The following GRSF1 variants were observed in gnomAD, a reference collection of about 807,000 sequenced individuals.
GRSF1 encodes the protein G-rich sequence factor 1.
A neutral mutation model predicts 51.1 loss-of-function variants in GRSF1; 50 were observed. The observed-to-expected ratio is 0.98, with a 90% confidence interval of 0.78 to 1.24. The LOEUF is 1.24. GRSF1 is among the 50% of genes most tolerant of loss of function. GRSF1 has a pLI of 0.00. For synonymous variants in GRSF1, 293 were observed against 253.3 expected, an observed-to-expected ratio of 1.16 and a Z score of -1.49; for missense variants, 700 against 639.7, an observed-to-expected ratio of 1.09 and a Z score of -1.02.
intron 1 of GRSF1, chr4:70,838,949 G>A: frequency 5.6e-6 from 2 of 357,510 alleles, no homozygotes; most frequent in Non-Finnish European, 1.1e-5. Flanking sequence ...GAGAGGGAAC[G>A]GCGCGATGGG....
upstream of GRSF1, among the ~76,000 whole-genome samples, chr4:70,841,782 G>A (rs1734464904): frequency 6.6e-6 from 1 of 152,162 alleles, no homozygotes; most frequent in Admixed American, 6.5e-5. Flanking sequence ...TGATAGGCTT[G>A]GCTCTATGAA....
At chr4:70,834,874 C>T (rs796404928) in intron 2 of GRSF1, among the ~76,000 whole-genome samples, 25 of 152,120 alleles carry the variant, frequency 1.6e-4, no homozygotes, top group African/African-American at 5.8e-4. Context: ...CCGCCCGCCT[C>T]GGCCTCCCAA....
intron 1 of GRSF1, 67 bp from the exon 2 acceptor site, chr4:70,836,381 T>C: frequency 8.4e-7 from 1 of 1,183,546 alleles, no homozygotes; most frequent in East Asian, 2.6e-5. Flanking sequence ...AAAAAATTCT[T>C]AGAAAATGTT....
chr4:70,831,343 G>A (rs1389910183), intron 5 of GRSF1, among the ~76,000 whole-genome samples, 196 bp downstream of exon 5: 2 of 147,596 alleles, frequency 1.4e-5, no homozygotes, highest in Non-Finnish European at 3.0e-5. Flanking sequence ...CAAAAAGAGT[G>A]AAACTCTGTC....
upstream of GRSF1, among the ~76,000 whole-genome samples, chr4:70,840,359 C>T (rs1252211491): frequency 5.9e-5 from 9 of 152,234 alleles, no homozygotes; most frequent in Admixed American, 5.2e-4. Flanking sequence ...TTCGTAGTGA[C>T]TCATTCTTGT....
chr4:70,829,424 G>A (rs1733871881), intron 5 of GRSF1, among the ~76,000 whole-genome samples: 1 of 151,746 alleles, frequency 6.6e-6, no homozygotes, highest in Non-Finnish European at 1.5e-5. Flanking sequence ...GGGAGGCTGA[G>A]GCAGGTGGAT....
intron 5 of GRSF1, among the ~76,000 whole-genome samples, chr4:70,831,226 G>A (rs1049155313): frequency 3.3e-5 from 5 of 151,980 alleles, no homozygotes; most frequent in African/African-American, 4.8e-5. Context: ...ATGGTGGCAG[G>A]CGCCTGTAAT....
intron 2 of GRSF1, 94 bp from the exon 3 acceptor site, chr4:70,833,367 C>A: frequency 3.7e-6 from 4 of 1,072,300 alleles, no homozygotes; most frequent in Non-Finnish European, 4.1e-6. Context: ...AACAACAAAG[C>A]AGGAAACAAG....
upstream of GRSF1, among the ~76,000 whole-genome samples, chr4:70,842,395 AG>A (rs1391322761): frequency 6.6e-6 from 1 of 152,198 alleles, no homozygotes; most frequent in Non-Finnish European, 1.5e-5. Flanking sequence ...CAGCCAAAAA[AG>A]AGAAGGGGGT....
At chr4:70,824,403 T>C (rs1733651625) in intron 8 of GRSF1, 35 bp from the exon 9 acceptor site, 1 of 1,103,572 alleles carries the variant, frequency 9.1e-7, no homozygotes, top group African/African-American at 1.5e-5. Flanking sequence ...TTTAAAAAGT[T>C]GAAAAGGTAG....
chr4:70,823,844 C>A (rs1487444164), intron 9 of GRSF1, among the ~76,000 whole-genome samples: 2 of 151,540 alleles, frequency 1.3e-5, no homozygotes, highest in Non-Finnish European at 2.9e-5. Context: ...CTAGCCTGGG[C>A]AACAGAGCAA....
chr4:70,818,342 GAGAACTGAGTAA>G lies in GRSF1; in HGVS notation c.*2533_*2544del, dbSNP rs1733385421. ...AACCCCAAAAAATAACTTTCCAAAT[GAGAACTGAGTAA>G]GGGCTGTTCAGGGCAGAGGACATTA... On this transcript the variant is annotated 3_prime_UTR_variant, in exon 10 of 10. Transcript: ENST00000254799. 6.6e-6 allele frequency: 1 copy of G among 152,202 alleles called. No homozygotes were observed. The highest frequency in any genetic ancestry group is 2.1e-4 in the South Asian group (1 of 4,826). The allele number at this position is 152,202 out of a possible 1,614,324, so 9.4% of individuals were successfully genotyped here.
chr4:70,829,742 C>A (rs898213677), intron 5 of GRSF1, among the ~76,000 whole-genome samples: 1 of 152,068 alleles, frequency 6.6e-6, no homozygotes, highest in African/African-American at 2.4e-5. Flanking sequence ...AAGGTCAAGG[C>A]TGAAATGAGC....
Position 70,825,382 on chromosome 4 carries a change from CT to C in GRSF1, c.1306del (p.Ser436ValfsTer38). 6.2e-7 allele frequency: 1 copy of C among 1,612,140 alleles called. No homozygotes were observed. Among genetic ancestry groups the C allele is most frequent in the South Asian group, 1.1e-5 (1 of 90,866 alleles). On this transcript the variant is annotated frameshift_variant, in exon 8 of 10. Transcript: ENST00000254799. LOFTEE classifies it high-confidence loss of function. ...PVRITMEYSS[S>X]GKATGEADVH... ...ATCAGCTTCTCCAGTGGCCTTCCCA[CT>C]GGAGCTGTATTCCATGGTGATTCTA...
At chr4:70,841,104 T>A (rs1734445827), upstream of GRSF1, among the ~76,000 whole-genome samples, 1 of 152,192 alleles carries the variant, frequency 6.6e-6, no homozygotes. Context: ...CAGACCAGCC[T>A]GGGCAACATA....
At chr4:70,841,742 C>T (rs1415697088), upstream of GRSF1, among the ~76,000 whole-genome samples, 1 of 152,034 alleles carries the variant, frequency 6.6e-6, no homozygotes, top group East Asian at 1.9e-4. Context: ...ACCCTTTCCC[C>T]AACCAAAAAA....
rs1229030947 is a variant in GRSF1, at chr4:70,829,022, A to G, written c.951-986T>C. Among the ~76,000 whole-genome samples the G allele has an allele frequency of 2.6e-5, 4 of 151,556 alleles. No individual in the cohort carries two copies. The East Asian group carries it at 7.8e-4, about 29-fold the overall frequency. ...CCAAAGTGCTGGGATTATAGGCATG[A>G]GCCACCATGCCCAGCCCACACACTG... On this transcript the variant is annotated intron_variant, in intron 5 of 9. Coordinates refer to ENST00000254799, the MANE Select transcript of GRSF1 (RefSeq NM_002092.4).
intron 6 of GRSF1, among the ~76,000 whole-genome samples, chr4:70,827,181 G>A (rs146378486): frequency 0.012 from 1,815 of 151,300 alleles, 28 homozygotes; most frequent in South Asian, 0.044. Context: ...CCAGCTACTC[G>A]GGAGGCTGAG....
chr4:70,829,490 AC>A (rs1006589098), intron 5 of GRSF1, among the ~76,000 whole-genome samples: 5 of 152,052 alleles, frequency 3.3e-5, no homozygotes, highest in African/African-American at 1.2e-4. Context: ...CCCCGTCTCT[AC>A]AAAAATACAA....
Sources: gnomAD v4.1 joint callset for allele counts (sites outside exome capture counted in the v4.1 genomes callset) on GRCh38, gnomAD v4.1.1 for gene constraint, MANE v1.5 for transcripts, NCBI Gene and HGNC (gene_info 2026-07-23, HGNC 2026-07-21) for gene names.